ABCC1: variants seen among roughly 807,000 people sequenced by gnomAD.
ABCC1 encodes multidrug resistance-associated protein 1.
A neutral mutation model predicts 172.9 loss-of-function variants in ABCC1; 83 were observed. That is an observed-to-expected ratio of 0.48 (90% CI 0.40 to 0.58). The LOEUF is 0.58. Ranked by LOEUF, ABCC1 falls within the 20% of genes least tolerant of loss-of-function variation. The pLI is 0.00. For synonymous variants in ABCC1, 937 were observed against 825.2 expected, an observed-to-expected ratio of 1.14 and a Z score of -2.32; for missense variants, 1,817 against 2,002.7, an observed-to-expected ratio of 0.91 and a Z score of 1.77.
chr16:16,098,961 G>A, intron 19 of ABCC1: 7 of 1,315,870 alleles, frequency 5.3e-6, no homozygotes, highest in Non-Finnish European at 6.1e-6. Context: ...GAGACGGGCC[G>A]AGACTGTCGC....
At chr16:16,085,102 A>G (rs919179134) in intron 17 of ABCC1, among the ~76,000 whole-genome samples, 8 of 152,188 alleles carry the variant, frequency 5.3e-5, no homozygotes, top group Non-Finnish European at 1.0e-4. Flanking sequence ...TGCAGAGAGC[A>G]TGGTTCCTGT....
At chr16:16,004,652 G>GT (rs2047453708) in intron 1 of ABCC1, among the ~76,000 whole-genome samples, 1 of 134,522 alleles carries the variant, frequency 7.4e-6, no homozygotes, top group South Asian at 2.3e-4. Flanking sequence ...GCCTTGTAAG[G>GT]TTTACTTTTT....
rs376070353 is a variant in ABCC1 at position 16,139,430 on chromosome 16, G to A, written c.4487+872G>A. Among the ~76,000 whole-genome samples the A allele has an allele frequency of 2.0e-4, 30 of 151,948 alleles. No homozygotes were observed. In the South Asian group the frequency reaches 4.6e-3, roughly 23 times the overall value. On this transcript the variant is annotated intron_variant, in intron 30 of 30. Transcript: ENST00000399410. ...AGTTTGAGACCAGCTTGGCCAACAC[G>A]GTGAGACCCTGTCACCATTAAAAAT...
At chr16:16,043,906 T>C (rs139019752) in intron 7 of ABCC1, among the ~76,000 whole-genome samples, 4 of 152,240 alleles carry the variant, frequency 2.6e-5, no homozygotes, top group Non-Finnish European at 4.4e-5. Flanking sequence ...CTGGCCATGA[T>C]TGTTATTTTG....
At chr16:16,025,188 T>G (rs770546027) in intron 5 of ABCC1, among the ~76,000 whole-genome samples, 1 of 152,156 alleles carries the variant, frequency 6.6e-6, no homozygotes, top group Non-Finnish European at 1.5e-5. Context: ...GCTGGACATT[T>G]AGGCTCCGTC....
chr16:16,120,575 C>G (rs756099441), intron 23 of ABCC1, among the ~76,000 whole-genome samples: 2 of 152,074 alleles, frequency 1.3e-5, no homozygotes, highest in Non-Finnish European at 2.9e-5. Flanking sequence ...AGCCCGGGAG[C>G]TGGGACACTG....
chr16:16,045,259 G>A (rs768477284), intron 8 of ABCC1, among the ~76,000 whole-genome samples: 4 of 151,850 alleles, frequency 2.6e-5, no homozygotes, highest in African/African-American at 4.8e-5. Context: ...TTAGCCGGGC[G>A]TGGTGGTGCA....
rs35625 is a variant in ABCC1, at chr16:16,075,709, C to T, written c.1913-617C>T. 0.6 allele frequency among the ~76,000 whole-genome samples: 90,682 copies of T among 152,114 alleles called. 27,261 individuals carry two copies. The highest frequency in any genetic ancestry group is 0.67 in the East Asian group (3,454 of 5,168). On this transcript the variant is annotated intron_variant, in intron 14 of 30. Transcript: ENST00000399410. ...TCCCCTTCCCTGTGCCCTCGTACCA[C>T]ACTTCCTGTTCCGTATCCTCTTTTT... is the stretch of plus-strand genomic sequence containing the variant.
intron 5 of ABCC1, among the ~76,000 whole-genome samples, chr16:16,017,800 C>T (rs2048056794): frequency 6.6e-6 from 1 of 151,936 alleles, no homozygotes; most frequent in Admixed American, 6.6e-5. Context: ...GAAGGCCTGC[C>T]CAGAAAACTG....
intron 26 of ABCC1, among the ~76,000 whole-genome samples, chr16:16,131,461 G>A (rs2045669301): frequency 1.3e-5 from 2 of 152,210 alleles, no homozygotes; most frequent in South Asian, 2.1e-4. Flanking sequence ...TCCTCATTGA[G>A]TGGATGGTGC....
chr16:16,141,260 C>T lies in ABCC1; in HGVS notation c.4575C>T (p.Ala1525=). 4 of 1,614,018 alleles carry T rather than the reference C, an allele frequency of 2.5e-6. No individual in the cohort carries two copies. Among genetic ancestry groups the T allele is most frequent in the Non-Finnish European group, 3.4e-6 (4 of 1,180,024 alleles). ...LQQRGLFYSM[A]KDAGLV The stretch of plus-strand genomic sequence containing the variant: ...AGAGAGGTCTTTTCTACAGCATGGC[C>T]AAAGACGCCGGCTTGGTGTGAGCCC... The change falls in exon 31 of 31, where the codon GCC becomes GCT. Residue 1525 remains alanine (A), a synonymous_variant. Coordinates refer to ENST00000399410, the MANE Select transcript of ABCC1 (RefSeq NM_004996.4).
intron 2 of ABCC1, among the ~76,000 whole-genome samples, chr16:16,008,230 C>T (rs1299879516): frequency 2.0e-5 from 3 of 152,128 alleles, no homozygotes; most frequent in Non-Finnish European, 2.9e-5. Flanking sequence ...CCCCAAGCCT[C>T]AGTTTCCCTG....
intron 5 of ABCC1, among the ~76,000 whole-genome samples, chr16:16,026,334 T>G (rs1202814723): frequency 6.9e-6 from 1 of 144,224 alleles, no homozygotes; most frequent in African/African-American, 2.7e-5. Context: ...TGTGGCAGGA[T>G]GAGGCAGGAG....
At position 16,136,557 on chromosome 16, in the gene ABCC1, C is replaced by G; in HGVS notation, c.4205C>G (p.Ser1402Cys). The change falls in exon 29 of 31, where the codon TCC becomes TGC. Residue 1402 changes from serine (S) to cysteine (C), a missense_variant. Ser to Cys is a moderately radical substitution (Grantham distance 112). Around this residue, in one of 3 missense-constraint regions of ABCC1, gnomAD observed 1,412 missense variants for 1,600.3 expected, o/e 0.88. Transcript: ENST00000399410. Reference protein sequence around the residue: ...SQYSDEEVWTSLELAHLKDFV... With the variant: ...SQYSDEEVWTCLELAHLKDFV... ...TACTCGGATGAAGAAGTCTGGACGTCCCTGGAGCTGGCCCACCTGAAGGAC... is the reference window on the plus strand; with the variant it reads ...TACTCGGATGAAGAAGTCTGGACGTGCCTGGAGCTGGCCCACCTGAAGGAC... 4 of 1,614,176 alleles carry G rather than the reference C, an allele frequency of 2.5e-6. No homozygotes were observed. Among genetic ancestry groups the G allele is most frequent in the Non-Finnish European group, 3.4e-6 (4 of 1,180,042 alleles).
At chr16:15,998,738 T>C (rs985685478) in intron 1 of ABCC1, among the ~76,000 whole-genome samples, 1 of 152,162 alleles carries the variant, frequency 6.6e-6, no homozygotes, top group Non-Finnish European at 1.5e-5. Flanking sequence ...TTCCCTGGAG[T>C]TCCGGTGTCC....
chr16:16,066,349 T>C (rs541405697), intron 12 of ABCC1, among the ~76,000 whole-genome samples: 1 of 151,800 alleles, frequency 6.6e-6, no homozygotes, highest in South Asian at 2.1e-4. Context: ...TCCTGGCTAA[T>C]TGTGTATTTT....
intron 11 of ABCC1, among the ~76,000 whole-genome samples, chr16:16,055,216 T>TTTCCAAAAAAA (rs2049596451): frequency 7.1e-6 from 1 of 140,124 alleles, no homozygotes; most frequent in South Asian, 2.3e-4. Context: ...GATGCCAGAG[T>TTTCCAAAAAAA]GAGATGATGT....
chr16:16,118,585 C>G (rs747055853), intron 23 of ABCC1, among the ~76,000 whole-genome samples: 2 of 151,694 alleles, frequency 1.3e-5, no homozygotes, highest in African/African-American at 4.8e-5. Context: ...TTGGGTACAC[C>G]GTGGAGCAAT....
chr16:16,056,146 A>C lies in ABCC1; in HGVS notation c.1528A>C (p.Asn510His). 1 of 1,614,142 alleles carries C rather than the reference A, an allele frequency of 6.2e-7. No individual in the cohort carries two copies. Among genetic ancestry groups the C allele is most frequent in the Non-Finnish European group, 8.5e-7 (1 of 1,180,032 alleles). The change falls in exon 12 of 31, where the codon AAT becomes CAT. Residue 510 changes from asparagine (N) to histidine (H), a missense_variant. By Grantham distance (68) the Asn-to-His change is moderately conservative (BLOSUM62 1). Around this residue, in one of 3 missense-constraint regions of ABCC1, gnomAD observed 1,412 missense variants for 1,600.3 expected, o/e 0.88. Coordinates refer to ENST00000399410, the MANE Select transcript of ABCC1 (RefSeq NM_004996.4). Reference sequence around the variant, plus strand: ...GATCAAGCTGATGAACGAAATTCTCAATGGGATCAAAGTGCTAAAGCTTTA... The same window carrying C: ...GATCAAGCTGATGAACGAAATTCTCCATGGGATCAAAGTGCTAAAGCTTTA... ...NRIKLMNEIL[N>H]GIKVLKLYAW...
Sources: gnomAD v4.1 joint callset for allele counts (sites outside exome capture counted in the v4.1 genomes callset) on GRCh38, gnomAD v4.1.1 for gene constraint, gnomAD v4.1.1 regional missense constraint, MANE v1.5 for transcripts, NCBI Gene and HGNC (gene_info 2026-07-23, HGNC 2026-07-21) for gene names.